Variants in CNTNAP2 observed in about 807,000 individuals in gnomAD.
The protein encoded by CNTNAP2 is contactin-associated protein-like 2.
In CNTNAP2, 98 loss-of-function variants were observed where a neutral mutation model predicts 155.2. The observed-to-expected ratio is 0.63, with a 90% CI of 0.54 to 0.75. The LOEUF (loss-of-function observed/expected upper bound fraction) is 0.75. CNTNAP2 is among the 30% of genes least tolerant of loss of function. CNTNAP2 has a pLI of 0.00. For synonymous variants in CNTNAP2, 651 were observed against 631.2 expected (o/e 1.03, Z -0.47); for missense variants, 1,727 against 1,688.1 (o/e 1.02, Z -0.40).
intron 15 of CNTNAP2, among the ~76,000 whole-genome samples, chr7:148,023,287 T>A (rs1802317742): frequency 6.6e-6 from 1 of 152,206 alleles, no homozygotes; most frequent in South Asian, 2.1e-4. Flanking sequence ...AGAGATGCAC[T>A]GTGACTAAGT....
Position 147,108,128 on chromosome 7 carries a change from ATTT to A in CNTNAP2, c.551-10_551-8del. The A allele has an allele frequency of 1.5e-6, 2 of 1,313,446 alleles. No homozygotes were observed. Among genetic ancestry groups the A allele is most frequent in the Non-Finnish European group, 1.0e-6 (1 of 956,712 alleles). The allele number at this position is 1,313,446 out of a possible 1,614,324, so 81.4% of individuals were successfully genotyped here. ...ACATACATGGCTGAACTAATATGTT[ATTT>A]TTTTTTTTGTTTTAGGGGCTGATGT... On this transcript the variant is annotated splice_polypyrimidine_tract_variant and intron_variant, in intron 4 of 23. Coordinates refer to ENST00000361727, the MANE Select transcript of CNTNAP2 (RefSeq NM_014141.6).
At chr7:146,801,088 A>G (rs1240580716) in intron 2 of CNTNAP2, among the ~76,000 whole-genome samples, 4 of 152,196 alleles carry the variant, frequency 2.6e-5, no homozygotes, top group African/African-American at 9.7e-5. Flanking sequence ...TGGCACCAGC[A>G]TCTTCTCAGC....
intron 1 of CNTNAP2, among the ~76,000 whole-genome samples, chr7:146,665,304 A>G (rs2129166898): frequency 6.6e-6 from 1 of 152,300 alleles, no homozygotes; most frequent in East Asian, 1.9e-4. Flanking sequence ...AGTAATCTGG[A>G]TAACGATTTA....
chr7:146,331,164 C>T (rs1355538925), intron 1 of CNTNAP2, among the ~76,000 whole-genome samples: 1 of 151,688 alleles, frequency 6.6e-6, no homozygotes, highest in African/African-American at 2.4e-5. Flanking sequence ...ATTAGCCGGG[C>T]GTGGTAGCGA....
At chr7:148,072,247 G>C (rs1324402913) in intron 15 of CNTNAP2, among the ~76,000 whole-genome samples, 1 of 152,098 alleles carries the variant, frequency 6.6e-6, no homozygotes, top group South Asian at 2.1e-4. Context: ...CTACCACCTT[G>C]CTATATTAAT....
At chr7:146,255,486 C>A (rs149215924) in intron 1 of CNTNAP2, among the ~76,000 whole-genome samples, 1 of 152,188 alleles carries the variant, frequency 6.6e-6, no homozygotes, top group Admixed American at 6.6e-5. Flanking sequence ...TGAGCCAAGA[C>A]ATTCACTTCT....
At chr7:147,028,937 C>CATATGCAA (rs1424130315) in intron 3 of CNTNAP2, among the ~76,000 whole-genome samples, 4 of 148,244 alleles carry the variant, frequency 2.7e-5, no homozygotes, top group Non-Finnish European at 5.9e-5. Flanking sequence ...ATCAAATAGA[C>CATATGCAA]ATATGCAAAA....
At chr7:147,984,766 G>A (rs954601884) in intron 15 of CNTNAP2, among the ~76,000 whole-genome samples, 1 of 152,068 alleles carries the variant, frequency 6.6e-6, no homozygotes, top group African/African-American at 2.4e-5. Context: ...TATCATCCTG[G>A]AAAAACAGGT....
At chr7:148,293,299 A>G (rs1351159036) in intron 21 of CNTNAP2, among the ~76,000 whole-genome samples, 2 of 152,208 alleles carry the variant, frequency 1.3e-5, no homozygotes, top group Non-Finnish European at 2.9e-5. Flanking sequence ...TTAAAGTTAG[A>G]TATGACTTGG....
intron 14 of CNTNAP2, among the ~76,000 whole-genome samples, chr7:147,918,084 T>C (rs541500796): frequency 3.9e-5 from 6 of 152,332 alleles, no homozygotes; most frequent in East Asian, 1.9e-4. Flanking sequence ...AAGGCCTGCT[T>C]CCTGAGGGTC....
chr7:148,037,088 C>T (rs1220050640), intron 15 of CNTNAP2, among the ~76,000 whole-genome samples: 1 of 152,170 alleles, frequency 6.6e-6, no homozygotes, highest in African/African-American at 2.4e-5. Flanking sequence ...TTACTTTTCT[C>T]TTGTTAAATT....
At chr7:146,353,039 C>A (rs1457180490) in intron 1 of CNTNAP2, among the ~76,000 whole-genome samples, 1 of 152,116 alleles carries the variant, frequency 6.6e-6, no homozygotes, top group Non-Finnish European at 1.5e-5. Flanking sequence ...CAGGCCTGAG[C>A]CACCGCGCCC....
chr7:147,444,307 GC>G (rs1797693389), intron 10 of CNTNAP2, among the ~76,000 whole-genome samples: 2 of 152,074 alleles, frequency 1.3e-5, no homozygotes, highest in Non-Finnish European at 2.9e-5. Flanking sequence ...ACAAAATGAA[GC>G]CCAAGATGAG....
At chr7:146,228,597 A>G (rs1021242922) in intron 1 of CNTNAP2, among the ~76,000 whole-genome samples, 31 of 152,162 alleles carry the variant, frequency 2.0e-4, no homozygotes, top group African/African-American at 7.2e-4. Flanking sequence ...TAAAAATCCA[A>G]ATCTATTCAG....
chr7:146,156,164 G>C (rs1798122955), intron 1 of CNTNAP2, among the ~76,000 whole-genome samples: 1 of 152,062 alleles, frequency 6.6e-6, no homozygotes, highest in South Asian at 2.1e-4. Flanking sequence ...TAATGACAAA[G>C]TATTAAATGT....
At chr7:146,492,273 A>G (rs73464724) in intron 1 of CNTNAP2, among the ~76,000 whole-genome samples, 5,518 of 151,012 alleles carry the variant, frequency 0.037, 334 homozygotes, top group African/African-American at 0.13. Flanking sequence ...GAGAGAGAGA[A>G]AGCATGAGTA....
At chr7:147,456,338 C>G (rs1486938473) in intron 10 of CNTNAP2, among the ~76,000 whole-genome samples, 1 of 152,042 alleles carries the variant, frequency 6.6e-6, no homozygotes, top group Non-Finnish European at 1.5e-5. Context: ...TACTTGAAAA[C>G]TGAAAAGTAT....
chr7:147,026,332 A>G (rs957161633), intron 3 of CNTNAP2, among the ~76,000 whole-genome samples: 1 of 152,212 alleles, frequency 6.6e-6, no homozygotes, highest in Admixed American at 6.5e-5. Flanking sequence ...AATATCAAAA[A>G]TATATAAATA....
intron 8 of CNTNAP2, among the ~76,000 whole-genome samples, chr7:147,152,432 G>T (rs1016641736): frequency 6.6e-6 from 1 of 151,892 alleles, no homozygotes; most frequent in African/African-American, 2.4e-5. Flanking sequence ...TTGTAAAATG[G>T]TATAATGGGG....
Sources: gnomAD v4.1 joint callset for allele counts (sites outside exome capture counted in the v4.1 genomes callset) on GRCh38, gnomAD v4.1.1 for gene constraint, MANE v1.5 for transcripts, NCBI Gene and HGNC (gene_info 2026-07-23, HGNC 2026-07-21) for gene names.